Variants in KAT6A observed in about 807,000 individuals in gnomAD.
The protein encoded by KAT6A is histone acetyltransferase KAT6A.
In KAT6A, 9 loss-of-function variants were observed where a neutral mutation model predicts 198.4. The ratio of observed to expected loss-of-function variants is 0.05; its 90% CI spans 0.03 to 0.08. KAT6A has a LOEUF of 0.08. KAT6A is among the 10% of genes least tolerant of loss of function. The probability of loss-of-function intolerance (pLI) is 1.00; values close to 1 mark genes in which losing one functional copy is unlikely to be tolerated. For missense variants in KAT6A, 2,077 were observed against 2,509.9 expected (o/e 0.83, Z 3.69); for synonymous variants, 890 against 883.0 (o/e 1.01, Z -0.14).
chr8:41,936,699 G>A (rs532535085), intron 16 of KAT6A, among the ~76,000 whole-genome samples: 1 of 152,324 alleles, frequency 6.6e-6, no homozygotes, highest in East Asian at 1.9e-4. Context: ...CCATTTGTGA[G>A]AAATTTACTA....
intron 16 of KAT6A, among the ~76,000 whole-genome samples, chr8:41,936,510 G>A (rs1003927261): frequency 6.6e-6 from 1 of 152,184 alleles, no homozygotes; most frequent in Non-Finnish European, 1.5e-5. Context: ...TGCAGATGCA[G>A]GCAGCATGAG....
chr8:41,969,984 A>G (rs1234354218), intron 8 of KAT6A, among the ~76,000 whole-genome samples: 4 of 152,094 alleles, frequency 2.6e-5, no homozygotes, highest in Non-Finnish European at 5.9e-5. Context: ...CTTCTCATAA[A>G]CACTCCAACC....
In KAT6A at chr8:41,933,177, C is replaced by T; in HGVS notation, c.5043G>A (p.Gln1681=). The change falls in exon 17 of 17, where the codon CAG becomes CAA. Residue 1681 remains glutamine, a synonymous_variant. Transcript: ENST00000265713. The surrounding 1 kb of genome is among the most constrained non-coding windows in gnomAD (Gnocchi z 6.2). The part of the protein sequence containing the change: ...QPPPPQQQPQ[Q]QPQPQPQQPP... ...GCTGCTGGGGCTGAGGCTGCGGCTG[C>T]TGTTGCGGCTGCTGCTGGGGTGGTG... 1 of 1,587,918 alleles carries T rather than the reference C, an allele frequency of 6.3e-7. No homozygotes were observed. Among genetic ancestry groups the T allele is most frequent in the Non-Finnish European group, 8.6e-7 (1 of 1,168,028 alleles).
chr8:42,021,370 A>C (rs1336465634), intron 2 of KAT6A, among the ~76,000 whole-genome samples: 1 of 152,160 alleles, frequency 6.6e-6, no homozygotes, highest in Non-Finnish European at 1.5e-5. Flanking sequence ...CTTGCTCTCT[A>C]TTTTTGAAAC....
At position 41,942,906 on chromosome 8, in the gene KAT6A, G is replaced by A. The variant is rs1410900137; in HGVS notation, c.2323C>T (p.Arg775Cys). Residue 775 changes from arginine (R) to cysteine (C), a missense_variant, in exon 14 of 17, where the codon CGC becomes TGC. Arg to Cys is a radical substitution (Grantham distance 180, BLOSUM62 -3). Coordinates refer to ENST00000265713, the MANE Select transcript of KAT6A (RefSeq NM_006766.5). ...TTGGACACTATGACTGGAGTCCAGC[G>A]CAAACATTCTGGATCTACATCTACA... ...RPVDVDPECL[R>C]WTPVIVSNSV... is the part of the protein sequence containing the mutation. 3 of 1,613,956 alleles carry A rather than the reference G, an allele frequency of 1.9e-6. No individual in the cohort carries two copies. Among genetic ancestry groups the A allele is most frequent in the Admixed American group, 1.7e-5 (1 of 59,990 alleles).
intron 6 of KAT6A, 56 bp downstream of exon 6, chr8:41,978,586 A>G (rs1158021310): frequency 6.4e-7 from 1 of 1,560,424 alleles, no homozygotes; most frequent in Non-Finnish European, 8.7e-7. Context: ...TGAATCCTAC[A>G]CTATAGAGAA....
At chr8:41,937,171 A>G (rs1821890357) in intron 16 of KAT6A, 85 bp downstream of exon 16, 3 of 1,048,472 alleles carry the variant, frequency 2.9e-6, no homozygotes, top group African/African-American at 1.6e-5. Flanking sequence ...TTCATTTTTC[A>G]GCCTTTTTAC....
chr8:41,933,987 C>T lies in KAT6A; in HGVS notation c.4233G>A (p.Glu1411=). The T allele has an allele frequency of 6.2e-7, 1 of 1,614,086 alleles. No individual in the cohort carries two copies. Among genetic ancestry groups the T allele is most frequent in the African/African-American group, 1.3e-5 (1 of 75,038 alleles). Residue 1411 remains glutamate, a synonymous_variant, in exon 17 of 17, where the codon GAG becomes GAA. Transcript: ENST00000265713. This position sits in a 1 kb window ranked among gnomAD's most constrained non-coding sequence, Gnocchi z 6.2. ...HTKEELIELK[E]EEEIPHSELD... is the part of the protein sequence containing the mutation. ...GCTCACTATGAGGAATCTCTTCCTC[C>T]TCTTTTAATTCGATTAACTCTTCCT...
intron 2 of KAT6A, among the ~76,000 whole-genome samples, chr8:42,017,071 A>C (rs1826307964): frequency 6.6e-6 from 1 of 152,132 alleles, no homozygotes; most frequent in African/African-American, 2.4e-5. Flanking sequence ...AATTTAAAAG[A>C]CAGTATGCTG....
At chr8:41,938,002 T>C (rs1821935130) in intron 15 of KAT6A, among the ~76,000 whole-genome samples, 1 of 152,242 alleles carries the variant, frequency 6.6e-6, no homozygotes. Context: ...TATGCCATTT[T>C]CATGAACTAC....
chr8:42,038,702 C>T (rs1827494002), intron 2 of KAT6A, among the ~76,000 whole-genome samples: 1 of 152,186 alleles, frequency 6.6e-6, no homozygotes, highest in South Asian at 2.1e-4. Context: ...TTGCTACTGG[C>T]TGAACATTCT....
At chr8:41,940,548 G>A (rs1047911050) in intron 15 of KAT6A, among the ~76,000 whole-genome samples, 1 of 152,038 alleles carries the variant, frequency 6.6e-6, no homozygotes, top group Non-Finnish European at 1.5e-5. Flanking sequence ...GTCATGATTT[G>A]AACATCAAAC....
intron 2 of KAT6A, among the ~76,000 whole-genome samples, chr8:41,989,550 C>T (rs897397597): frequency 6.6e-6 from 1 of 151,912 alleles, no homozygotes; most frequent in African/African-American, 2.4e-5. Flanking sequence ...CGTGACGTGA[C>T]GTGACGTGAC....
At chr8:42,051,685 A>G (rs1472977649) in intron 1 of KAT6A, among the ~76,000 whole-genome samples, 1 of 144,586 alleles carries the variant, frequency 6.9e-6, no homozygotes, top group African/African-American at 2.5e-5. Context: ...CGGGCGCCGA[A>G]CAAGCGAGCA....
chr8:41,967,956 C>T (rs1282790661), intron 8 of KAT6A, among the ~76,000 whole-genome samples: 2 of 151,942 alleles, frequency 1.3e-5, no homozygotes, highest in Admixed American at 6.6e-5. Context: ...TTCCTTACAC[C>T]TTATACAAAA....
intron 9 of KAT6A, 142 bp downstream of exon 9, chr8:41,955,154 C>T (rs1278588866): frequency 3.4e-6 from 2 of 585,646 alleles, no homozygotes; most frequent in Admixed American, 3.4e-5. Context: ...GCTGCCAAAG[C>T]CGCTGCTATT....
chr8:42,050,910 G>A (rs957790853), intron 1 of KAT6A, among the ~76,000 whole-genome samples: 17 of 152,224 alleles, frequency 1.1e-4, no homozygotes, highest in African/African-American at 3.9e-4. Context: ...GTACACGAGC[G>A]GCTAGAGCGA....
At chr8:41,970,375 A>G (rs1215501150) in intron 8 of KAT6A, among the ~76,000 whole-genome samples, 3 of 152,202 alleles carry the variant, frequency 2.0e-5, no homozygotes, top group Non-Finnish European at 4.4e-5. Flanking sequence ...TAGCCCGATT[A>G]CTGTCAATAA....
chr8:42,032,891 T>TTTTTTG, intron 2 of KAT6A, among the ~76,000 whole-genome samples: 1 of 144,982 alleles, frequency 6.9e-6, no homozygotes, highest in Non-Finnish European at 1.5e-5. Context: ...TTTTTTTTTT[T>TTTTTTG]TTTTTGAGAT....
Sources: gnomAD v4.1 joint callset for allele counts (sites outside exome capture counted in the v4.1 genomes callset) on GRCh38, gnomAD v4.1.1 for gene constraint, Gnocchi (gnomAD v3.1) non-coding constraint, MANE v1.5 for transcripts, NCBI Gene and HGNC (gene_info 2026-07-23, HGNC 2026-07-21) for gene names.